GSK3B: variants seen among roughly 807,000 people sequenced by gnomAD.
The protein encoded by GSK3B is glycogen synthase kinase-3 beta.
GSK3B carries 15 observed loss-of-function variants against 56.4 expected under a neutral mutation model. The observed-to-expected ratio is 0.27, with a 90% CI of 0.18 to 0.41. The LOEUF is 0.41. Ranked by LOEUF, GSK3B falls within the 10% of genes least tolerant of loss-of-function variation. GSK3B has a pLI of 1.00. For missense variants in GSK3B, 300 were observed against 513.4 expected (o/e 0.58, Z 4.02); for synonymous variants, 181 against 188.9 (o/e 0.96, Z 0.34).
intron 1 of GSK3B, among the ~76,000 whole-genome samples, chr3:120,009,414 CAA>C (rs1452041072): frequency 6.6e-6 from 1 of 152,108 alleles, no homozygotes; most frequent in African/African-American, 2.4e-5. Context: ...TTCACAATAG[CAA>C]AGAGTTGGAA....
At chr3:120,054,507 C>T (rs1056856393) in intron 1 of GSK3B, among the ~76,000 whole-genome samples, 8 of 151,940 alleles carry the variant, frequency 5.3e-5, no homozygotes, top group Admixed American at 1.3e-4. Flanking sequence ...ATTTCAGATC[C>T]CTCTCTCCCC....
At chr3:119,833,944 C>CG (rs1444757828) in intron 10 of GSK3B, among the ~76,000 whole-genome samples, 1 of 152,006 alleles carries the variant, frequency 6.6e-6, no homozygotes, top group East Asian at 1.9e-4. Flanking sequence ...GTAATCTGAC[C>CG]GCCTCCACCT....
intron 1 of GSK3B, among the ~76,000 whole-genome samples, chr3:120,049,136 T>C (rs1229528013): frequency 1.3e-5 from 2 of 152,188 alleles, no homozygotes; most frequent in Non-Finnish European, 2.9e-5. Context: ...AACAATTTAA[T>C]CAGTATCTGT....
intron 1 of GSK3B, among the ~76,000 whole-genome samples, chr3:120,090,015 A>G (rs1047394107): frequency 2.0e-5 from 3 of 152,120 alleles, no homozygotes; most frequent in Admixed American, 6.5e-5. Flanking sequence ...GAAGGCTCTC[A>G]ATACTTTATT....
chr3:119,983,603 G>C (rs1462869280), intron 2 of GSK3B, among the ~76,000 whole-genome samples: 1 of 150,902 alleles, frequency 6.6e-6, no homozygotes, highest in Non-Finnish European at 1.5e-5. Context: ...AGATCAAAGA[G>C]ACAAAGAAAG....
intron 1 of GSK3B, among the ~76,000 whole-genome samples, chr3:120,076,598 G>A (rs1302819089): frequency 4.6e-5 from 7 of 151,838 alleles, no homozygotes; most frequent in East Asian, 1.9e-4. Context: ...GGCGGATCAC[G>A]AGGTCAGGAG....
chr3:120,088,497 A>T (rs899808176), intron 1 of GSK3B, among the ~76,000 whole-genome samples: 2 of 152,190 alleles, frequency 1.3e-5, no homozygotes, highest in African/African-American at 4.8e-5. Context: ...GATTTGTATA[A>T]CCAAGGATGA....
intron 6 of GSK3B, among the ~76,000 whole-genome samples, chr3:119,910,646 T>C (rs565895909): frequency 6.6e-6 from 1 of 152,298 alleles, no homozygotes; most frequent in South Asian, 2.1e-4. Context: ...GTTTGCCACA[T>C]CAACTGACTC....
intron 2 of GSK3B, among the ~76,000 whole-genome samples, chr3:119,989,771 G>GTAA (rs2057547438): frequency 2.6e-5 from 4 of 151,972 alleles, no homozygotes; most frequent in Non-Finnish European, 5.9e-5. Context: ...AATATGCCTG[G>GTAA]GACTAATGTT....
intron 9 of GSK3B, among the ~76,000 whole-genome samples, chr3:119,852,587 A>G (rs1478926565): frequency 2.0e-5 from 3 of 152,072 alleles, no homozygotes; most frequent in Non-Finnish European, 4.4e-5. Flanking sequence ...ACCTCATGTG[A>G]TCTGCTCACC....
intron 1 of GSK3B, among the ~76,000 whole-genome samples, chr3:120,014,974 C>T (rs2057811394): frequency 6.6e-6 from 1 of 152,120 alleles, no homozygotes; most frequent in South Asian, 2.1e-4. Flanking sequence ...ATCATAACAT[C>T]CCCTTCTTTA....
chr3:119,863,571 G>C lies in GSK3B; in HGVS notation c.944C>G (p.Ala315Gly). ...ATACTCCAGCAGACGGCTACACAGT[G>C]CAATTGCCTCCGGTGGAGTTCGGGG... is the stretch of plus-strand genomic sequence containing the variant. ...FRPRTPPEAI[A>G]LCSRLLEYTP... Residue 315 changes from alanine (A) to glycine (G), a missense_variant, in exon 9 of 11, where the codon GCA becomes GGA. This residue lies in a region of GSK3B where 38 missense variants were observed against 58.3 expected (regional missense o/e 0.65). Transcript: ENST00000264235. 3.1e-6 allele frequency: 5 copies of C among 1,613,036 alleles called. No individual in the cohort carries two copies. The highest frequency in any genetic ancestry group is 1.1e-5 in the South Asian group (1 of 91,046).
intron 1 of GSK3B, among the ~76,000 whole-genome samples, chr3:120,080,723 C>A (rs939856961): frequency 6.6e-6 from 1 of 151,584 alleles, no homozygotes; most frequent in Non-Finnish European, 1.5e-5. Flanking sequence ...CCCAGCTACT[C>A]GGGAGGCTGA....
chr3:120,053,609 A>C (rs910000741), intron 1 of GSK3B, among the ~76,000 whole-genome samples: 2 of 152,130 alleles, frequency 1.3e-5, no homozygotes, highest in Non-Finnish European at 2.9e-5. Context: ...GCTACTATAT[A>C]ATTACATTAA....
intron 1 of GSK3B, among the ~76,000 whole-genome samples, chr3:120,045,855 T>TA (rs992526585): frequency 2.0e-5 from 3 of 152,060 alleles, no homozygotes; most frequent in African/African-American, 4.8e-5. Flanking sequence ...GGTAAGCAGC[T>TA]AAAAAAATTG....
chr3:119,976,633 A>G (rs1053641224), intron 2 of GSK3B, among the ~76,000 whole-genome samples: 1 of 152,112 alleles, frequency 6.6e-6, no homozygotes, highest in Non-Finnish European at 1.5e-5. Flanking sequence ...GATAGTAGTG[A>G]TAGTTGCCTA....
intron 9 of GSK3B, 60 bp downstream of exon 9, chr3:119,863,359 T>A: frequency 7.6e-7 from 1 of 1,319,828 alleles, no homozygotes; most frequent in Non-Finnish European, 1.1e-6. Context: ...TAGAATGTCA[T>A]TTCACACCCA....
chr3:119,870,063 C>G (rs971666881), intron 8 of GSK3B, among the ~76,000 whole-genome samples: 2 of 152,178 alleles, frequency 1.3e-5, no homozygotes, highest in Non-Finnish European at 2.9e-5. Context: ...GAGATATTCA[C>G]CCAGGCTATA....
chr3:119,905,654 T>C lies in GSK3B; in HGVS notation c.813+101A>G, dbSNP rs575710994. On this transcript the variant is annotated intron_variant, in intron 7 of 10. Transcript: ENST00000264235. ...TGCTACGTGACCTTGGATTGCTTCC[T>C]CCATTTTTTAAGTTTCTCGTATGTG... The C allele has an allele frequency of 8.6e-5, 62 of 724,298 alleles. No individual in the cohort carries two copies. The Admixed American group carries it at 1.2e-3, about 14-fold the overall frequency. 44.9% of individuals were successfully genotyped at this position (724,298 alleles called of 1,614,324 possible). A position where few individuals can be genotyped will look rare whatever the true frequency, so the allele number is the denominator to read the frequency against.
Sources: gnomAD v4.1 joint callset for allele counts (sites outside exome capture counted in the v4.1 genomes callset) on GRCh38, gnomAD v4.1.1 for gene constraint, gnomAD v4.1.1 regional missense constraint, MANE v1.5 for transcripts, NCBI Gene and HGNC (gene_info 2026-07-23, HGNC 2026-07-21) for gene names.